FAM156A: variants seen among roughly 807,000 people sequenced by gnomAD.
FAM156A encodes the protein family with sequence similarity 156 member A.
chrX:52,980,634 C>A (rs781889779), intron 1 of FAM156A, among the ~76,000 whole-genome samples: 8 of 111,743 alleles, frequency 7.2e-5, no homozygotes, highest in African/African-American at 2.3e-4. Context: ...CAGTGATGAG[C>A]CCCATGGCTG....
intron 1 of FAM156A, among the ~76,000 whole-genome samples, chrX:52,990,850 A>AGAAAG (rs1366739987): frequency 9.1e-6 from 1 of 110,072 alleles, no homozygotes; most frequent in East Asian, 2.9e-4. Flanking sequence ...AGAAAAGAAA[A>AGAAAG]GAAAAGATGC....
chrX:52,994,787 C>T, intron 1 of FAM156A, among the ~76,000 whole-genome samples: 1 of 110,974 alleles, frequency 9.0e-6, no homozygotes, highest in East Asian at 2.8e-4. Context: ...ACAGCCTGAT[C>T]AACATAGCGA....
chrX:52,973,263 CA>C (rs1222400775), intron 1 of FAM156A, among the ~76,000 whole-genome samples: 2 of 103,995 alleles, frequency 1.9e-5, no homozygotes, highest in Non-Finnish European at 2.0e-5. Flanking sequence ...ATAGCTGCTG[CA>C]AAAAAAAAGA....
intron 1 of FAM156A, among the ~76,000 whole-genome samples, chrX:52,983,166 T>C (rs1930021518): frequency 1.8e-5 from 2 of 111,931 alleles, no homozygotes; most frequent in East Asian, 2.8e-4. Flanking sequence ...GATGGGAGGA[T>C]TGCTTGAACC....
intron 1 of FAM156A, among the ~76,000 whole-genome samples, chrX:52,993,944 T>A (rs781997655): frequency 1.8e-5 from 2 of 110,953 alleles, no homozygotes; most frequent in East Asian, 5.7e-4. Flanking sequence ...AAGATGGATA[T>A]TGGCCCCATT....
chrX:52,983,435 G>A (rs1399695233), intron 1 of FAM156A, among the ~76,000 whole-genome samples: 1 of 111,627 alleles, frequency 9.0e-6, no homozygotes, highest in Admixed American at 9.5e-5. Context: ...TGCAATTATA[G>A]GGTTAACATC....
At chrX:52,976,453 A>AT (rs1556792265) in intron 1 of FAM156A, among the ~76,000 whole-genome samples, 1 of 111,638 alleles carries the variant, frequency 9.0e-6, no homozygotes, top group African/African-American at 3.3e-5. Flanking sequence ...CAAAAAAAAA[A>AT]ATTATTAGAG....
intron 1 of FAM156A, among the ~76,000 whole-genome samples, chrX:52,994,142 G>T (rs1015072248): frequency 1.8e-5 from 2 of 109,692 alleles, no homozygotes; most frequent in African/African-American, 6.7e-5. Context: ...CTCCCAAACA[G>T]CTCAGATACT....
chrX:52,975,353 A>G (rs1245194801), intron 1 of FAM156A, among the ~76,000 whole-genome samples: 3 of 112,035 alleles, frequency 2.7e-5, no homozygotes, highest in Non-Finnish European at 5.6e-5. Flanking sequence ...AATGCTCATC[A>G]GTAGGTGCAG....
At chrX:52,983,328 G>A (rs1478489509) in intron 1 of FAM156A, among the ~76,000 whole-genome samples, 3 of 111,810 alleles carry the variant, frequency 2.7e-5, no homozygotes, top group Admixed American at 9.5e-5. Context: ...TACATTATAA[G>A]TATATAGCAT....
At chrX:52,981,358 T>C (rs928087872) in intron 1 of FAM156A, among the ~76,000 whole-genome samples, 3 of 111,706 alleles carry the variant, frequency 2.7e-5, no homozygotes, top group Admixed American at 9.5e-5. Flanking sequence ...GAAGCTGACA[T>C]GAATGCCTTC....
rs1460804424 is a variant in FAM156A, at chrX:52,984,953, T to C, written c.-434+10353A>G. The stretch of plus-strand genomic sequence containing the variant: ...AAGATGAACAAATTTATAATTATAG[T>C]TGGAGATTTCAATTCTCTCTCAGTA... On this transcript the variant is annotated intron_variant, in intron 1 of 4. Transcript: ENST00000610625. Among the ~76,000 whole-genome samples the C allele has an allele frequency of 2.7e-5, 3 of 110,107 alleles. No individual in the cohort carries two copies. In the East Asian group the frequency reaches 8.5e-4, roughly 31 times the overall value.
intron 1 of FAM156A, among the ~76,000 whole-genome samples, chrX:52,983,844 A>G (rs984419204): frequency 5.3e-5 from 6 of 112,705 alleles, no homozygotes; most frequent in Admixed American, 1.9e-4. Context: ...CTCTCACAAG[A>G]GACAACAGCT....
At chrX:52,973,993 T>C (rs1929250078) in intron 1 of FAM156A, among the ~76,000 whole-genome samples, 1 of 110,737 alleles carries the variant, frequency 9.0e-6, no homozygotes, top group East Asian at 2.9e-4. Flanking sequence ...AAGTTTCTTA[T>C]TTAGAAAAAA....
In FAM156A at chrX:52,992,603, C is replaced by CTTT. The variant is rs371397834; in HGVS notation, c.-434+2700_-434+2702dup. ...ACAGCACTCTGCTTCACTTGTGAGT[C>CTTT]TTTTTTTTTTTTTTTGCCTGAGAGT... is the stretch of plus-strand genomic sequence containing the variant. On this transcript the variant is annotated intron_variant, in intron 1 of 4. Coordinates refer to the FAM156A transcript ENST00000610625. Among the ~76,000 whole-genome samples the CTTT allele has an allele frequency of 3.1e-5, 3 of 95,963 alleles. No individual in the cohort carries two copies. The East Asian group carries it at 9.9e-4, about 32-fold the overall frequency. 83.3% of individuals were successfully genotyped at this position (95,963 alleles called of 115,157 possible).
At chrX:52,987,552 G>A (rs1454503060) in intron 1 of FAM156A, among the ~76,000 whole-genome samples, 1 of 109,677 alleles carries the variant, frequency 9.1e-6, no homozygotes, top group Non-Finnish European at 1.9e-5. Context: ...CTACTCAGGA[G>A]GCTGAGGATT....
chrX:52,988,049 T>G (rs1486769021), intron 1 of FAM156A, among the ~76,000 whole-genome samples: 1 of 111,217 alleles, frequency 9.0e-6, no homozygotes, highest in African/African-American at 3.3e-5. Flanking sequence ...GAGACAACCC[T>G]GGCCAACATG....
intron 1 of FAM156A, among the ~76,000 whole-genome samples, chrX:52,987,858 C>A (rs1930404224): frequency 9.0e-6 from 1 of 111,391 alleles, no homozygotes; most frequent in Admixed American, 9.6e-5. Flanking sequence ...CCCAAATGTC[C>A]TTCAATGGGT....
chrX:52,976,183 C>G (rs782670850), intron 1 of FAM156A, among the ~76,000 whole-genome samples: 1 of 112,082 alleles, frequency 8.9e-6, no homozygotes, highest in African/African-American at 3.2e-5. Context: ...CGGTGGCTCA[C>G]GCCTGTAATC....
Sources: allele counts gnomAD v4.1 joint callset (sites outside exome capture counted in the v4.1 genomes callset), GRCh38; gene constraint gnomAD v4.1.1; transcripts MANE v1.5; gene names NCBI Gene and HGNC (gene_info 2026-07-23, HGNC 2026-07-21).